The following CHSY3 variants were observed in gnomAD, a reference collection of about 807,000 sequenced individuals.
The protein encoded by CHSY3 is N-acetylgalactosaminyl-proteoglycan 3-beta-glucuronosyltransferase 3.
A neutral mutation model predicts 67.2 loss-of-function variants in CHSY3; 35 were observed. The ratio of observed to expected loss-of-function variants is 0.52; its 90% CI spans 0.40 to 0.69. CHSY3 has a LOEUF of 0.69. Among genes scored for constraint, CHSY3 ranks in the 30% least tolerant of loss-of-function variants. The pLI is 0.00. For synonymous variants in CHSY3, 474 were observed against 434.7 expected (o/e 1.09, Z -1.12); for missense variants, 1,069 against 1,138.5 (o/e 0.94, Z 0.88).
intron 2 of CHSY3, among the ~76,000 whole-genome samples, chr5:130,164,074 G>A (rs910336677): frequency 5.9e-5 from 9 of 152,168 alleles, no homozygotes; most frequent in East Asian, 1.9e-4. Flanking sequence ...CAGAACTGCC[G>A]TGATTGAAGG....
chr5:130,053,600 T>C (rs984857296), intron 2 of CHSY3, among the ~76,000 whole-genome samples: 1 of 152,170 alleles, frequency 6.6e-6, no homozygotes, highest in East Asian at 1.9e-4. Context: ...GTGATACCCT[T>C]ATCTTTATTA....
chr5:129,946,891 G>A (rs989403044), intron 2 of CHSY3, among the ~76,000 whole-genome samples: 1 of 152,132 alleles, frequency 6.6e-6, no homozygotes, highest in African/African-American at 2.4e-5. Flanking sequence ...CAATGAACAT[G>A]CAGATATCTC....
chr5:129,937,306 GT>G (rs1761529452), intron 2 of CHSY3, among the ~76,000 whole-genome samples: 1 of 152,154 alleles, frequency 6.6e-6, no homozygotes, highest in Admixed American at 6.5e-5. Flanking sequence ...TAAGGAACAA[GT>G]GCTACACACT....
intron 2 of CHSY3, among the ~76,000 whole-genome samples, chr5:129,917,764 T>C (rs1426659569): frequency 6.6e-6 from 1 of 152,198 alleles, no homozygotes; most frequent in Non-Finnish European, 1.5e-5. Flanking sequence ...TTCAGAGTGG[T>C]TCCTGACAGC....
intron 2 of CHSY3, among the ~76,000 whole-genome samples, chr5:130,096,719 A>G (rs2149696006): frequency 6.6e-6 from 1 of 152,062 alleles, no homozygotes; most frequent in South Asian, 2.1e-4. Flanking sequence ...TATTTTTTTA[A>G]ATGAGCAACC....
chr5:130,028,733 C>T (rs1396281869), intron 2 of CHSY3, among the ~76,000 whole-genome samples: 1 of 151,950 alleles, frequency 6.6e-6, no homozygotes, highest in African/African-American at 2.4e-5. Context: ...TTCTGTCATT[C>T]TCTCTCTTAT....
intron 2 of CHSY3, among the ~76,000 whole-genome samples, chr5:130,006,215 G>A (rs1763868662): frequency 6.6e-6 from 1 of 152,128 alleles, no homozygotes; most frequent in South Asian, 2.1e-4. Context: ...CAAGCAGTAG[G>A]AATCTGGGTA....
intron 2 of CHSY3, among the ~76,000 whole-genome samples, chr5:130,156,609 T>C (rs1284468913): frequency 6.6e-6 from 1 of 152,184 alleles, no homozygotes; most frequent in Non-Finnish European, 1.5e-5. Context: ...CATATCATGC[T>C]CTCTGAGCAT....
At chr5:129,904,155 G>A (rs1349505342), upstream of CHSY3, among the ~76,000 whole-genome samples, 1 of 152,000 alleles carries the variant, frequency 6.6e-6, no homozygotes, top group East Asian at 2.0e-4. Context: ...GGGACGGGAC[G>A]GGAAATGGGA....
chr5:130,054,441 T>G (rs1189305272), intron 2 of CHSY3, among the ~76,000 whole-genome samples: 1 of 152,158 alleles, frequency 6.6e-6, no homozygotes, highest in Non-Finnish European at 1.5e-5. Context: ...AGAATCAGGA[T>G]TCCTTGTTAG....
At chr5:130,087,218 C>A (rs1002161771) in intron 2 of CHSY3, among the ~76,000 whole-genome samples, 1 of 151,886 alleles carries the variant, frequency 6.6e-6, no homozygotes, top group African/African-American at 2.4e-5. Flanking sequence ...GGATGTATCT[C>A]AAAATAATAA....
At chr5:129,983,774 G>A (rs572396652) in intron 2 of CHSY3, among the ~76,000 whole-genome samples, 1 of 152,150 alleles carries the variant, frequency 6.6e-6, no homozygotes, top group South Asian at 2.1e-4. Flanking sequence ...TGTCAGAGAA[G>A]CATTTAATCC....
intron 2 of CHSY3, among the ~76,000 whole-genome samples, chr5:130,090,614 T>C (rs1459178083): frequency 6.6e-6 from 1 of 152,202 alleles, no homozygotes; most frequent in Non-Finnish European, 1.5e-5. Context: ...CACCAATCCC[T>C]GCATTCTCCA....
At chr5:130,083,062 G>C (rs1561528491) in intron 2 of CHSY3, among the ~76,000 whole-genome samples, 1 of 151,898 alleles carries the variant, frequency 6.6e-6, no homozygotes, top group Non-Finnish European at 1.5e-5. Flanking sequence ...AACAGGAACA[G>C]AGGTAACAGA....
At chr5:130,125,962 A>T (rs1768269248) in intron 2 of CHSY3, among the ~76,000 whole-genome samples, 2 of 152,128 alleles carry the variant, frequency 1.3e-5, no homozygotes, top group African/African-American at 4.8e-5. Flanking sequence ...CCCAGCTCTC[A>T]ATTGAGTGTT....
intron 2 of CHSY3, among the ~76,000 whole-genome samples, chr5:130,039,725 G>T (rs2149664608): frequency 6.6e-6 from 1 of 152,104 alleles, no homozygotes; most frequent in East Asian, 1.9e-4. Flanking sequence ...TGATCCATGT[G>T]CCTCAGCCTC....
intron 2 of CHSY3, among the ~76,000 whole-genome samples, chr5:130,013,216 G>T (rs1764118965): frequency 6.6e-6 from 1 of 152,152 alleles, no homozygotes; most frequent in Admixed American, 6.5e-5. Context: ...CCCCCCTCCT[G>T]GCTGCTTTCA....
chr5:130,087,079 A>G (rs1325856648), intron 2 of CHSY3, among the ~76,000 whole-genome samples: 1 of 152,164 alleles, frequency 6.6e-6, no homozygotes, highest in African/African-American at 2.4e-5. Flanking sequence ...AAATCAATAA[A>G]TGTAATCCAG....
chr5:130,109,224 C>T (rs1215607942), intron 2 of CHSY3, among the ~76,000 whole-genome samples: 3 of 151,654 alleles, frequency 2.0e-5, no homozygotes, highest in Admixed American at 2.0e-4. Context: ...ATCTTTGTTG[C>T]TTACAAAATT....
Sources: gnomAD v4.1 joint callset for allele counts (sites outside exome capture counted in the v4.1 genomes callset) on GRCh38, gnomAD v4.1.1 for gene constraint, MANE v1.5 for transcripts, NCBI Gene and HGNC (gene_info 2026-07-23, HGNC 2026-07-21) for gene names.